The following EEA1 variants were observed in gnomAD, a reference collection of about 807,000 sequenced individuals.
EEA1 encodes early endosome antigen 1, also known as early endosome antigen 1, 162kD.
Under a neutral mutation model 209.2 loss-of-function variants are expected in EEA1, and 111 were observed. That is an observed-to-expected ratio of 0.53 (90% CI 0.45 to 0.62). The LOEUF (loss-of-function observed/expected upper bound fraction) is 0.62. Ranked by LOEUF, EEA1 falls within the 20% of genes least tolerant of loss-of-function variation. The pLI is 0.00. For synonymous variants in EEA1, 536 were observed against 540.6 expected (o/e 0.99, Z 0.12); for missense variants, 1,343 against 1,530.8 (o/e 0.88, Z 2.05).
At chr12:92,829,381 G>A (rs1303662481) in intron 11 of EEA1, among the ~76,000 whole-genome samples, 2 of 152,190 alleles carry the variant, frequency 1.3e-5, no homozygotes, top group African/African-American at 4.8e-5. Flanking sequence ...AAATATGTAA[G>A]TTAGTTTAAG....
chr12:92,867,292 C>T (rs1256415610), intron 2 of EEA1, among the ~76,000 whole-genome samples: 9 of 152,158 alleles, frequency 5.9e-5, no homozygotes. Context: ...TCCAGGAGCA[C>T]CCTCATTAGC....
chr12:92,893,983 A>T (rs1459923226), intron 1 of EEA1, among the ~76,000 whole-genome samples: 1 of 152,190 alleles, frequency 6.6e-6, no homozygotes, highest in Non-Finnish European at 1.5e-5. Flanking sequence ...CAACTCTGCC[A>T]TCAAGCAAGT....
At chr12:92,867,962 G>A (rs1878475539) in intron 2 of EEA1, among the ~76,000 whole-genome samples, 3 of 152,126 alleles carry the variant, frequency 2.0e-5, no homozygotes, top group African/African-American at 7.2e-5. Flanking sequence ...AAATGGAGGA[G>A]CATAAACAAA....
rs1873641860 is a variant in EEA1, at chr12:92,776,000, GTGA to G, written c.*8_*10del. 1.9e-6 allele frequency: 3 copies of G among 1,608,032 alleles called. No individual in the cohort carries two copies. Among genetic ancestry groups the G allele is most frequent in the Non-Finnish European group, 2.5e-6 (3 of 1,176,776 alleles). On this transcript the variant is annotated 3_prime_UTR_variant, in exon 29 of 29. Coordinates refer to ENST00000322349, the MANE Select transcript of EEA1 (RefSeq NM_003566.4). ...GTTAGTGTAATATTACTCTGAAGTTGTGATAACCCATTATCCTTGCAAGTCATT... is the reference window on the plus strand; with the variant it reads ...GTTAGTGTAATATTACTCTGAAGTTGTAACCCATTATCCTTGCAAGTCATT...
At chr12:92,882,458 G>T (rs1879191132) in intron 2 of EEA1, among the ~76,000 whole-genome samples, 1 of 151,666 alleles carries the variant, frequency 6.6e-6, no homozygotes, top group Non-Finnish European at 1.5e-5. Context: ...GTATGTGCAG[G>T]TTTGTTACCT....
chr12:92,890,257 G>C (rs1466472669), intron 2 of EEA1, among the ~76,000 whole-genome samples: 1 of 152,170 alleles, frequency 6.6e-6, no homozygotes, highest in Non-Finnish European at 1.5e-5. Context: ...GGTAAAAAGT[G>C]AAGTAGCAGG....
At chr12:92,927,857 C>T (rs991544834) in intron 1 of EEA1, among the ~76,000 whole-genome samples, 2 of 152,204 alleles carry the variant, frequency 1.3e-5, no homozygotes, top group Non-Finnish European at 1.5e-5. Context: ...TAAATGTCAA[C>T]ACAGGTTGTC....
chr12:92,835,852 C>T (rs985537040), intron 10 of EEA1, among the ~76,000 whole-genome samples: 2 of 152,064 alleles, frequency 1.3e-5, no homozygotes, highest in East Asian at 3.9e-4. Context: ...TTAAAAGTAC[C>T]GAAACCACTT....
intron 1 of EEA1, among the ~76,000 whole-genome samples, chr12:92,900,432 GTGT>G (rs1880098825): frequency 7.6e-6 from 1 of 131,268 alleles, no homozygotes; most frequent in African/African-American, 2.8e-5. Flanking sequence ...TCTTTACTGT[GTGT>G]TTTTTTTTTT....
chr12:92,866,378 T>G (rs1878396721), intron 2 of EEA1, among the ~76,000 whole-genome samples: 1 of 151,916 alleles, frequency 6.6e-6, no homozygotes, highest in Admixed American at 6.6e-5. Flanking sequence ...TCCCCTCTAT[T>G]AGAGATACAA....
intron 21 of EEA1, among the ~76,000 whole-genome samples, chr12:92,792,085 G>C (rs1350687572): frequency 6.6e-6 from 1 of 152,102 alleles, no homozygotes; most frequent in Non-Finnish European, 1.5e-5. Context: ...TGAGAACAAA[G>C]ACACAACATA....
At chr12:92,875,682 A>C (rs1878851473) in intron 2 of EEA1, among the ~76,000 whole-genome samples, 1 of 152,184 alleles carries the variant, frequency 6.6e-6, no homozygotes, top group African/African-American at 2.4e-5. Flanking sequence ...CCTTGCTTAA[A>C]ATTATCCGAT....
intron 14 of EEA1, among the ~76,000 whole-genome samples, 191 bp downstream of exon 14, chr12:92,819,117 C>T (rs1875929231): frequency 1.3e-5 from 2 of 152,120 alleles, no homozygotes; most frequent in Non-Finnish European, 2.9e-5. Flanking sequence ...TTTGTCAAAT[C>T]ATGTTAACTA....
intron 1 of EEA1, among the ~76,000 whole-genome samples, chr12:92,896,945 A>G (rs529089458): frequency 3.9e-5 from 6 of 152,080 alleles, no homozygotes; most frequent in East Asian, 1.9e-4. Context: ...GAGGCCAAAG[A>G]AGGAGGATCG....
At chr12:92,904,587 A>C (rs566957230) in intron 1 of EEA1, among the ~76,000 whole-genome samples, 1 of 152,294 alleles carries the variant, frequency 6.6e-6, no homozygotes, top group Non-Finnish European at 1.5e-5. Context: ...AGCAAATAAA[A>C]GGTCCCCAGG....
intron 6 of EEA1, among the ~76,000 whole-genome samples, chr12:92,853,499 T>C (rs1218035774): frequency 1.3e-5 from 2 of 152,180 alleles, no homozygotes; most frequent in Non-Finnish European, 2.9e-5. Context: ...AACATTCTGC[T>C]CCTCTGATAA....
intron 2 of EEA1, among the ~76,000 whole-genome samples, chr12:92,890,916 GC>G (rs1879632328): frequency 6.6e-6 from 1 of 152,124 alleles, no homozygotes; most frequent in East Asian, 1.9e-4. Context: ...GAAGAGGATA[GC>G]AGAGAAAAAA....
chr12:92,928,938 C>G, intron 1 of EEA1, 105 bp downstream of exon 1: 1 of 1,275,394 alleles, frequency 7.8e-7, no homozygotes, highest in Non-Finnish European at 1.1e-6. Context: ...GCTGTGGGGC[C>G]TAGGGAAGGA....
intron 11 of EEA1, among the ~76,000 whole-genome samples, chr12:92,828,268 C>G (rs1293181939): frequency 3.3e-5 from 5 of 152,046 alleles, no homozygotes; most frequent in Non-Finnish European, 7.4e-5. Flanking sequence ...ATAAAATTAT[C>G]GTTAAACATC....
Sources: allele counts gnomAD v4.1 joint callset (sites outside exome capture counted in the v4.1 genomes callset), GRCh38; gene constraint gnomAD v4.1.1; transcripts MANE v1.5; gene names NCBI Gene and HGNC (gene_info 2026-07-23, HGNC 2026-07-21).